XKR4: variants seen among roughly 807,000 people sequenced by gnomAD.
The protein encoded by XKR4 is XK related 4, also known as XK-related protein 4.
Under a neutral mutation model 53.9 loss-of-function variants are expected in XKR4, and 12 were observed. That is an observed-to-expected ratio of 0.22 (90% CI 0.14 to 0.36). XKR4 has a LOEUF of 0.36. XKR4 is among the 10% of genes least tolerant of loss of function. The pLI, the probability that XKR4 is intolerant of heterozygous loss-of-function variation, is 1.00. For synonymous variants in XKR4, 354 were observed against 362.4 expected (o/e 0.98, Z 0.26); for missense variants, 799 against 859.5 (o/e 0.93, Z 0.88).
At chr8:55,369,518 G>GA (rs2129385891) in intron 2 of XKR4, among the ~76,000 whole-genome samples, 1 of 137,016 alleles carries the variant, frequency 7.3e-6, no homozygotes, top group Non-Finnish European at 1.6e-5. Context: ...GAAAAGGGAA[G>GA]GAGAGGGAAG....
chr8:55,135,902 T>G (rs545099010), intron 1 of XKR4, among the ~76,000 whole-genome samples: 49 of 146,456 alleles, frequency 3.3e-4, no homozygotes, highest in Non-Finnish European at 4.7e-4. Context: ...TTTTTTTTTT[T>G]TTGTTTTTTT....
chr8:55,278,205 T>A (rs1447970027), intron 1 of XKR4, among the ~76,000 whole-genome samples: 1 of 152,070 alleles, frequency 6.6e-6, no homozygotes, highest in Non-Finnish European at 1.5e-5. Context: ...GGCATGGTGA[T>A]GCACACCTGT....
chr8:55,538,992 A>G lies in XKR4; in HGVS notation c.*14765A>G, dbSNP rs777575311. 6.6e-6 allele frequency: 1 copy of G among 152,214 alleles called. No homozygotes were observed. Among genetic ancestry groups the G allele is most frequent in the Non-Finnish European group, 1.5e-5 (1 of 68,044 alleles). The allele number at this position is 152,214 out of a possible 1,614,324, so 9.4% of individuals were successfully genotyped here. A position where few individuals can be genotyped will look rare whatever the true frequency, so the allele number is the denominator to read the frequency against. ...CAGGGCTTCAGCTATATACTGATAT[A>G]CATATGCTTACATGTGCTTAGGTGG... On this transcript the variant is annotated 3_prime_UTR_variant, in exon 3 of 3. Coordinates refer to ENST00000327381, the MANE Select transcript of XKR4 (RefSeq NM_052898.2).
At chr8:55,460,475 A>G (rs569016006) in intron 2 of XKR4, among the ~76,000 whole-genome samples, 14 of 152,366 alleles carry the variant, frequency 9.2e-5, no homozygotes, top group African/African-American at 3.1e-4. Flanking sequence ...TATCAAAGAA[A>G]ATAAAAACAA....
At chr8:55,512,691 T>C (rs1806647124) in intron 2 of XKR4, among the ~76,000 whole-genome samples, 1 of 152,086 alleles carries the variant, frequency 6.6e-6, no homozygotes, top group East Asian at 1.9e-4. Flanking sequence ...GAGAGAGGGA[T>C]GGAGAGAGGA....
At chr8:55,168,228 G>C (rs1817097115) in intron 1 of XKR4, among the ~76,000 whole-genome samples, 1 of 152,060 alleles carries the variant, frequency 6.6e-6, no homozygotes, top group African/African-American at 2.4e-5. Context: ...TTCATTTCTG[G>C]ACAAGTGGGA....
intron 1 of XKR4, among the ~76,000 whole-genome samples, chr8:55,226,230 C>A (rs752896096): frequency 2.1e-4 from 32 of 151,912 alleles, no homozygotes; most frequent in Non-Finnish European, 3.5e-4. Flanking sequence ...CAGGAAATGC[C>A]GGAAATGTGG....
At chr8:55,359,000 C>T (rs1542960) in intron 2 of XKR4, among the ~76,000 whole-genome samples, 2 of 152,150 alleles carry the variant, frequency 1.3e-5, no homozygotes, top group Non-Finnish European at 2.9e-5. Context: ...TAGCTGGTGA[C>T]CCATTTATTC....
chr8:55,319,497 T>C (rs1803174576), intron 1 of XKR4, among the ~76,000 whole-genome samples: 1 of 152,204 alleles, frequency 6.6e-6, no homozygotes, highest in Non-Finnish European at 1.5e-5. Flanking sequence ...GCCATTCCAT[T>C]GTAAGGATAA....
At chr8:55,454,535 CGCTGCA>C (rs1462808982) in intron 2 of XKR4, 2 of 1,395,912 alleles carry the variant, frequency 1.4e-6, no homozygotes, top group East Asian at 2.5e-5. Context: ...GAGCAGGCCA[CGCTGCA>C]GCTGCTGATG....
At chr8:55,256,542 T>G (rs1234084628) in intron 1 of XKR4, among the ~76,000 whole-genome samples, 1 of 152,162 alleles carries the variant, frequency 6.6e-6, no homozygotes, top group Non-Finnish European at 1.5e-5. Flanking sequence ...AATGGGATGT[T>G]AGAGTTGAGC....
chr8:55,266,214 G>A (rs1563497038), intron 1 of XKR4, among the ~76,000 whole-genome samples: 1 of 151,532 alleles, frequency 6.6e-6, no homozygotes, highest in East Asian at 2.0e-4. Flanking sequence ...GGCAACATGG[G>A]AGCAGGTATG....
chr8:55,199,292 C>A (rs1021077595), intron 1 of XKR4, among the ~76,000 whole-genome samples: 6 of 152,188 alleles, frequency 3.9e-5, no homozygotes, highest in Non-Finnish European at 8.8e-5. Flanking sequence ...GATTGCTAAA[C>A]TGCATAATTT....
intron 1 of XKR4, among the ~76,000 whole-genome samples, chr8:55,159,455 C>T (rs1482359088): frequency 6.6e-6 from 1 of 152,086 alleles, no homozygotes; most frequent in African/African-American, 2.4e-5. Flanking sequence ...GCTATAAAAA[C>T]AGAAAGATGA....
intron 2 of XKR4, among the ~76,000 whole-genome samples, chr8:55,459,026 C>T (rs1164993045): frequency 1.3e-5 from 2 of 152,100 alleles, no homozygotes; most frequent in African/African-American, 4.8e-5. Context: ...TGATACTAAC[C>T]ATAAAGCTAC....
intron 1 of XKR4, among the ~76,000 whole-genome samples, chr8:55,345,893 G>A (rs1012184632): frequency 1.3e-5 from 2 of 152,064 alleles, no homozygotes; most frequent in African/African-American, 4.8e-5. Context: ...GTGTCAAATA[G>A]AAGGTTATCC....
At chr8:55,162,185 T>C (rs1287807939) in intron 1 of XKR4, among the ~76,000 whole-genome samples, 1 of 152,222 alleles carries the variant, frequency 6.6e-6, no homozygotes, top group Non-Finnish European at 1.5e-5. Flanking sequence ...CTCCTCATGA[T>C]GTTCATCACA....
rs540560235 is a variant in XKR4 at position 55,371,768 on chromosome 8, G to A, written c.1006+13891G>A. Among the ~76,000 whole-genome samples the A allele has an allele frequency of 1.4e-4, 22 of 152,272 alleles. No individual in the cohort carries two copies. In the South Asian group the frequency reaches 4.6e-3, roughly 32 times the overall value. On this transcript the variant is annotated intron_variant, in intron 2 of 2. Transcript: ENST00000327381. Reference sequence around the variant, plus strand: ...CTCTTGAGTCATGGTACCACCCCAAGTTATACTTAGAAGAACAGAAAGAAG... The same window carrying A: ...CTCTTGAGTCATGGTACCACCCCAAATTATACTTAGAAGAACAGAAAGAAG...
intron 2 of XKR4, among the ~76,000 whole-genome samples, chr8:55,391,824 T>C (rs1032831370): frequency 2.0e-5 from 3 of 152,190 alleles, no homozygotes; most frequent in Admixed American, 6.5e-5. Context: ...GTTTCAAATG[T>C]TTTAAACCAG....
Sources: gnomAD v4.1 joint callset for allele counts (sites outside exome capture counted in the v4.1 genomes callset) on GRCh38, gnomAD v4.1.1 for gene constraint, MANE v1.5 for transcripts, NCBI Gene and HGNC (gene_info 2026-07-23, HGNC 2026-07-21) for gene names.